Variants in PABPC4L observed in about 807,000 individuals in gnomAD.
The protein encoded by PABPC4L is polyadenylate-binding protein 4-like.
For missense variants in PABPC4L, 452 were observed against 451.4 expected (o/e 1.00, Z -0.01); for synonymous variants, 169 against 164.1 (o/e 1.03, Z -0.23).
At chr4:134,077,184 T>C in the PABPC4L span, among the ~76,000 whole-genome samples, 29,251 of 152,094 alleles carry the variant, frequency 0.19, 3,381 homozygotes, top group Admixed American at 0.25. Flanking sequence ...TGAATTAAGT[T>C]TCTTGAAATG....
the PABPC4L span, among the ~76,000 whole-genome samples, chr4:134,005,377 C>T: frequency 6.6e-6 from 1 of 151,558 alleles, no homozygotes; most frequent in Non-Finnish European, 1.5e-5. Flanking sequence ...TTTATTAGTA[C>T]AACAGAAAAT....
At chr4:134,157,487 T>G in the PABPC4L span, among the ~76,000 whole-genome samples, 1 of 151,868 alleles carries the variant, frequency 6.6e-6, no homozygotes, top group Admixed American at 6.6e-5. Context: ...GTGTTGATTT[T>G]TATTTTTATT....
chr4:134,082,939 T>G, the PABPC4L span, among the ~76,000 whole-genome samples: 1 of 152,236 alleles, frequency 6.6e-6, no homozygotes, highest in Non-Finnish European at 1.5e-5. Context: ...ACTTCGGAAA[T>G]AACTTTGGAA....
At chr4:134,189,320 A>T in the PABPC4L span, among the ~76,000 whole-genome samples, 11 of 151,782 alleles carry the variant, frequency 7.2e-5, no homozygotes, top group Non-Finnish European at 1.5e-4. Flanking sequence ...ATCTCTTCAA[A>T]TTGCATTTTG....
the PABPC4L span, among the ~76,000 whole-genome samples, chr4:133,971,269 G>A: frequency 4.6e-5 from 7 of 151,630 alleles, no homozygotes; most frequent in Non-Finnish European, 8.8e-5. Context: ...CCGCCACCAC[G>A]CCCGGCTAAT....
chr4:134,103,025 A>G, the PABPC4L span, among the ~76,000 whole-genome samples: 1 of 151,552 alleles, frequency 6.6e-6, no homozygotes, highest in East Asian at 1.9e-4. Context: ...GGTTCAGAAT[A>G]ACCCTTGAAA....
the PABPC4L span, among the ~76,000 whole-genome samples, chr4:134,116,631 A>G: frequency 6.6e-6 from 1 of 151,790 alleles, no homozygotes; most frequent in Non-Finnish European, 1.5e-5. Context: ...GTTTTACTCA[A>G]ACTACTGTTT....
the PABPC4L span, among the ~76,000 whole-genome samples, chr4:133,985,194 G>T: frequency 6.6e-6 from 1 of 151,894 alleles, no homozygotes; most frequent in Non-Finnish European, 1.5e-5. Flanking sequence ...ACCTGGAAAT[G>T]CCTAAGAAAA....
chr4:134,007,647 C>A, the PABPC4L span, among the ~76,000 whole-genome samples: 1 of 151,678 alleles, frequency 6.6e-6, no homozygotes, highest in African/African-American at 2.4e-5. Flanking sequence ...AATCTGAGCC[C>A]ATGAGCCTAA....
chr4:134,047,592 G>T, the PABPC4L span, among the ~76,000 whole-genome samples: 1 of 152,072 alleles, frequency 6.6e-6, no homozygotes, highest in Non-Finnish European at 1.5e-5. Flanking sequence ...ATGCTCTCAG[G>T]GCTCTGCAGA....
chr4:134,124,215 G>A, the PABPC4L span, among the ~76,000 whole-genome samples: 1 of 151,938 alleles, frequency 6.6e-6, no homozygotes, highest in Non-Finnish European at 1.5e-5. Flanking sequence ...GAGTCAAGAG[G>A]CCAAGGGACA....
the PABPC4L span, among the ~76,000 whole-genome samples, chr4:134,082,469 G>A: frequency 6.6e-6 from 1 of 152,072 alleles, no homozygotes; most frequent in African/African-American, 2.4e-5. Flanking sequence ...AACAGTTGAA[G>A]TATTGTCTTG....
the PABPC4L span, among the ~76,000 whole-genome samples, chr4:134,020,226 G>A: frequency 2.0e-5 from 3 of 152,002 alleles, no homozygotes; most frequent in Admixed American, 6.6e-5. Context: ...CAGCTATTCC[G>A]TAGATAGAGT....
the PABPC4L span, among the ~76,000 whole-genome samples, chr4:134,049,654 T>C: frequency 5.9e-5 from 9 of 152,294 alleles, no homozygotes; most frequent in East Asian, 1.2e-3. Context: ...GCAGTGCTAT[T>C]TGTTACCAGT....
At chr4:134,105,615 A>C in the PABPC4L span, among the ~76,000 whole-genome samples, 1 of 151,720 alleles carries the variant, frequency 6.6e-6, no homozygotes, top group African/African-American at 2.4e-5. Flanking sequence ...TTACATACAG[A>C]CATACAAATC....
At chr4:133,980,837 G>A in the PABPC4L span, among the ~76,000 whole-genome samples, 754 of 152,240 alleles carry the variant, frequency 5.0e-3, 9 homozygotes, top group African/African-American at 0.015. Context: ...TATGTACATA[G>A]CCTTTCTGCT....
chr4:134,147,514 T>A, the PABPC4L span, among the ~76,000 whole-genome samples: 13 of 151,984 alleles, frequency 8.6e-5, 1 homozygote, highest in Non-Finnish European at 1.8e-4. Context: ...AATCAAGGGG[T>A]TTATTATATA....
At chr4:134,043,493 T>C in the PABPC4L span, among the ~76,000 whole-genome samples, 2 of 152,104 alleles carry the variant, frequency 1.3e-5, no homozygotes, top group African/African-American at 4.8e-5. Flanking sequence ...GTAATTGCGG[T>C]TTTTGCCATT....
At chr4:134,125,468 G>T in the PABPC4L span, among the ~76,000 whole-genome samples, 2 of 151,982 alleles carry the variant, frequency 1.3e-5, no homozygotes, top group Non-Finnish European at 2.9e-5. Flanking sequence ...TCTTCTGTAT[G>T]GAAGTTTATA....
Sources: allele counts gnomAD v4.1 joint callset (sites outside exome capture counted in the v4.1 genomes callset), GRCh38; gene constraint gnomAD v4.1.1; transcripts MANE v1.5; gene names NCBI Gene and HGNC (gene_info 2026-07-23, HGNC 2026-07-21).